Variants in ARIH2 observed in about 807,000 individuals in gnomAD.
The protein encoded by ARIH2 is E3 ubiquitin-protein ligase ARIH2.
ARIH2 carries 12 observed loss-of-function variants against 79.8 expected under a neutral mutation model. The observed-to-expected ratio is 0.15, with a 90% CI of 0.10 to 0.24. ARIH2 has a LOEUF of 0.24. ARIH2 is among the 10% of genes least tolerant of loss of function. ARIH2 has a pLI of 1.00. For missense variants in ARIH2, 301 were observed against 618.3 expected, an observed-to-expected ratio of 0.49 and a Z score of 5.44; for synonymous variants, 224 against 213.9, an observed-to-expected ratio of 1.05 and a Z score of -0.41.
intron 3 of ARIH2, among the ~76,000 whole-genome samples, chr3:48,946,421 C>CT (rs1280455760): frequency 3.3e-5 from 5 of 151,166 alleles, no homozygotes; most frequent in African/African-American, 1.2e-4. Flanking sequence ...CAAACACCTT[C>CT]TGTCATCCAC....
chr3:48,958,747 C>G (rs941427077), intron 3 of ARIH2, among the ~76,000 whole-genome samples: 3 of 151,948 alleles, frequency 2.0e-5, no homozygotes, highest in African/African-American at 7.2e-5. Context: ...CTCAGTGGCT[C>G]ACACCTGTAA....
chr3:48,934,544 A>G (rs1311006900), intron 3 of ARIH2: 4 of 985,166 alleles, frequency 4.1e-6, no homozygotes, highest in Middle Eastern at 5.2e-4. Context: ...TTGTGATCTG[A>G]TGTGAGCTGT....
At chr3:48,936,845 G>A (rs1371192630) in intron 3 of ARIH2, among the ~76,000 whole-genome samples, 4 of 152,012 alleles carry the variant, frequency 2.6e-5, no homozygotes, top group African/African-American at 9.7e-5. Context: ...TGGCTAACAC[G>A]TTGAAACCCT....
At chr3:48,949,480 A>G (rs2089675874) in intron 3 of ARIH2, among the ~76,000 whole-genome samples, 1 of 152,188 alleles carries the variant, frequency 6.6e-6, no homozygotes, top group African/African-American at 2.4e-5. Context: ...AGCATTATGT[A>G]AGGGTTCCAG....
chr3:48,952,272 G>T (rs1185654359), intron 3 of ARIH2, among the ~76,000 whole-genome samples: 1 of 152,156 alleles, frequency 6.6e-6, no homozygotes, highest in Non-Finnish European at 1.5e-5. Flanking sequence ...ACAGTTAAGA[G>T]AAACATATGG....
chr3:48,970,869 C>T (rs1229932287), intron 8 of ARIH2, 165 bp downstream of exon 8: 16 of 561,196 alleles, frequency 2.9e-5, no homozygotes, highest in Non-Finnish European at 4.9e-5. Flanking sequence ...ATCTCATATT[C>T]CACTAGGTCT....
chr3:48,947,161 C>A (rs935222161), intron 3 of ARIH2, among the ~76,000 whole-genome samples: 16 of 152,148 alleles, frequency 1.1e-4, no homozygotes, highest in African/African-American at 3.9e-4. Flanking sequence ...CCAGAGAAGG[C>A]CAGGCACAGT....
intron 6 of ARIH2, 164 bp from the exon 7 acceptor site, chr3:48,968,370 G>A: frequency 5.9e-6 from 3 of 508,252 alleles, no homozygotes; most frequent in Non-Finnish European, 1.1e-5. Context: ...ACTACGCCCG[G>A]CTAATTTTTT....
At chr3:48,955,059 G>T (rs932514256) in intron 3 of ARIH2, among the ~76,000 whole-genome samples, 1 of 152,136 alleles carries the variant, frequency 6.6e-6, no homozygotes, top group Admixed American at 6.5e-5. Flanking sequence ...ATAGCTGGGC[G>T]TGGTGTTGAG....
chr3:48,946,928 T>G (rs1252779584), intron 3 of ARIH2, among the ~76,000 whole-genome samples: 1 of 152,176 alleles, frequency 6.6e-6, no homozygotes, highest in Non-Finnish European at 1.5e-5. Context: ...TCATACACTT[T>G]CCTTCCCTAG....
chr3:48,934,563 G>A, intron 3 of ARIH2: 1 of 985,386 alleles, frequency 1.0e-6, no homozygotes, highest in Non-Finnish European at 1.2e-6. Flanking sequence ...GTCTTTGCAT[G>A]CCTCTATCTA....
intron 6 of ARIH2, 88 bp downstream of exon 6, chr3:48,967,363 T>A: frequency 7.1e-7 from 1 of 1,411,016 alleles, no homozygotes; most frequent in Non-Finnish European, 9.7e-7. Context: ...AACTGAGTAT[T>A]TTCTTCTGAG....
At chr3:48,938,866 C>G (rs1304694826) in intron 3 of ARIH2, among the ~76,000 whole-genome samples, 1 of 112,838 alleles carries the variant, frequency 8.9e-6, no homozygotes, top group African/African-American at 3.5e-5. Context: ...ATTAATAAAA[C>G]AGCTGTATAT....
At chr3:48,977,596 T>G (rs1164254702) in intron 11 of ARIH2, among the ~76,000 whole-genome samples, 1 of 152,260 alleles carries the variant, frequency 6.6e-6, no homozygotes, top group Middle Eastern at 3.4e-3. Context: ...TAGCTGAGAT[T>G]ACAGGCGTCC....
intron 13 of ARIH2, among the ~76,000 whole-genome samples, chr3:48,981,052 G>A (rs1418558411): frequency 7.0e-6 from 1 of 143,286 alleles, no homozygotes; most frequent in Non-Finnish European, 1.5e-5. Flanking sequence ...AGATTGGGCA[G>A]GGTGCAGTGT....
At position 48,985,828 on chromosome 3, in the gene ARIH2, G is replaced by A. The variant is rs2092889724; in HGVS notation, c.*2558G>A. On this transcript the variant is annotated 3_prime_UTR_variant, in exon 16 of 16. Coordinates refer to ENST00000356401, the MANE Select transcript of ARIH2 (RefSeq NM_006321.4). ...CCCACCACAGATAGATCCCAGGGTTGTGGTAGAGTACTGATATAAATGTCC... is the reference window on the plus strand; with the variant it reads ...CCCACCACAGATAGATCCCAGGGTTATGGTAGAGTACTGATATAAATGTCC... 1 of 152,266 alleles carries A rather than the reference G, an allele frequency of 6.6e-6. No homozygotes were observed. The highest frequency in any genetic ancestry group is 2.1e-4 in the South Asian group (1 of 4,834). The allele number at this position is 152,266 out of a possible 1,614,324, so 9.4% of individuals were successfully genotyped here.
At chr3:48,973,239 C>G (rs2092334729) in intron 8 of ARIH2, among the ~76,000 whole-genome samples, 1 of 152,076 alleles carries the variant, frequency 6.6e-6, no homozygotes, top group African/African-American at 2.4e-5. Flanking sequence ...GTCAAGAGAT[C>G]AAGACTATCC....
chr3:48,949,883 G>T (rs989325813), intron 3 of ARIH2, among the ~76,000 whole-genome samples: 1 of 149,552 alleles, frequency 6.7e-6, no homozygotes, highest in Non-Finnish European at 1.5e-5. Context: ...TTTCTAAATG[G>T]TGTCTTTTGA....
In ARIH2 at chr3:48,981,016, CAAAAAAAAAAA is replaced by C. The variant is rs34533467; in HGVS notation, c.1257+536_1257+546del. ...AGCCTGGGTGACAAAGCAAGACTGT[CAAAAAAAAAAA>C]AAAAAAAAAAAAAAAGATTGGGCAG... On this transcript the variant is annotated intron_variant, in intron 13 of 15. Coordinates refer to ENST00000356401, the MANE Select transcript of ARIH2 (RefSeq NM_006321.4). Among the ~76,000 whole-genome samples, 19 of 30,140 alleles carry C rather than the reference CAAAAAAAAAAA, an allele frequency of 6.3e-4. No homozygotes were observed. In the South Asian group the frequency reaches 0.012, roughly 19 times the overall value. 19.8% of individuals were successfully genotyped at this position (30,140 alleles called of 152,430 possible).
Sources: gnomAD v4.1 joint callset for allele counts (sites outside exome capture counted in the v4.1 genomes callset) on GRCh38, gnomAD v4.1.1 for gene constraint, MANE v1.5 for transcripts, NCBI Gene and HGNC (gene_info 2026-07-23, HGNC 2026-07-21) for gene names.